The following SRGAP2 variants were observed in gnomAD, a reference collection of about 807,000 sequenced individuals.
SRGAP2 encodes SLIT-ROBO Rho GTPase activating protein 2.
SRGAP2 carries 15 observed loss-of-function variants against 57.2 expected under a neutral mutation model. The ratio of observed to expected loss-of-function variants is 0.26; its 90% confidence interval spans 0.18 to 0.40. The LOEUF (loss-of-function observed/expected upper bound fraction) is 0.40, where lower values mean the gene tolerates loss of function less well. Among genes scored for constraint, SRGAP2 ranks in the 10% least tolerant of loss-of-function variants. The pLI is 1.00. For synonymous variants in SRGAP2, 249 were observed against 248.0 expected (o/e 1.00, Z -0.04); for missense variants, 520 against 669.6 (o/e 0.78, Z 2.47).
rs1553617261 is a variant in SRGAP2, at chr1:206,306,636, G to C, written c.260+3163G>C. On this transcript the variant is annotated intron_variant, in intron 3 of 22. Coordinates refer to ENST00000573034, the MANE Select transcript of SRGAP2 (RefSeq NM_015326.5). ...CCACATCCTGCTGATTGGTAGAGCC[G>C]AGTGGCCTGTTTTGTCAGGGTACTG... is the stretch of plus-strand genomic sequence containing the variant. Among the ~76,000 whole-genome samples, 685 of 152,134 alleles carry C rather than the reference G, an allele frequency of 4.5e-3. 2 individuals carry two copies. The highest frequency in any genetic ancestry group is 0.016 in the African/African-American group (664 of 41,496).
chr1:206,260,887 G>T (rs1205598586), intron 2 of SRGAP2, among the ~76,000 whole-genome samples: 7 of 152,222 alleles, frequency 4.6e-5, no homozygotes, highest in Non-Finnish European at 8.8e-5. Flanking sequence ...AGTTGGTTTT[G>T]TTGGTTGATA....
At position 206,355,269 on chromosome 1, in the gene SRGAP2, TTTAC is replaced by T. The variant is rs1359781660; in HGVS notation, c.423+12264_423+12267del. Reference sequence around the variant, plus strand: ...CCCATCTTCTAGATTTGTTTGGTTGTTTACTTGTGTTGTTAAGCTTCTGCCCGTA... The same window carrying T: ...CCCATCTTCTAGATTTGTTTGGTTGTTTGTGTTGTTAAGCTTCTGCCCGTA... On this transcript the variant is annotated intron_variant, in intron 4 of 22. Transcript: ENST00000573034. Among the ~76,000 whole-genome samples, 8 of 152,226 alleles carry T rather than the reference TTTAC, an allele frequency of 5.3e-5. No individual in the cohort carries two copies. The South Asian group carries it at 1.2e-3, about 24-fold the overall frequency.
At chr1:206,420,773 A>G (rs1221379789) in intron 12 of SRGAP2, among the ~76,000 whole-genome samples, 1 of 152,216 alleles carries the variant, frequency 6.6e-6, no homozygotes, top group African/African-American at 2.4e-5. Flanking sequence ...TTTCCAAACT[A>G]GATGTTCTAC....
intron 2 of SRGAP2, among the ~76,000 whole-genome samples, chr1:206,253,514 C>G (rs1395521558): frequency 3.3e-5 from 5 of 151,202 alleles, no homozygotes; most frequent in African/African-American, 1.2e-4. Context: ...TTCTTCTTTT[C>G]TTTCCTCCCT....
At chr1:206,268,751 G>A (rs1241492532) in intron 2 of SRGAP2, among the ~76,000 whole-genome samples, 1 of 130,848 alleles carries the variant, frequency 7.6e-6, no homozygotes, top group Non-Finnish European at 1.6e-5. Context: ...CAAAAATGCG[G>A]ACTCCCCTAA....
Position 206,419,898 on chromosome 1 carries a change from C to T in SRGAP2, c.1469+498C>T, listed in dbSNP as rs1016030837. On this transcript the variant is annotated intron_variant, in intron 12 of 22. Coordinates refer to ENST00000573034, the MANE Select transcript of SRGAP2 (RefSeq NM_015326.5). The stretch of plus-strand genomic sequence containing the variant: ...AATGAAATATTACATTGCATTGGCT[C>T]GCCAAAGAGTATTGGTAGAAATATT... Among the ~76,000 whole-genome samples the T allele has an allele frequency of 2.6e-5, 4 of 151,658 alleles. No individual in the cohort carries two copies. The South Asian group carries it at 8.3e-4, about 31-fold the overall frequency.
rs1361538156 is a variant in SRGAP2, at chr1:206,281,813, C to A, written c.68-21468C>A. ...GCAAGACTCTGTCTCAAAAAACAAA[C>A]AAACAAACAAAAAAAACTTGAACCC... is the stretch of plus-strand genomic sequence containing the variant. On this transcript the variant is annotated intron_variant, in intron 2 of 22. Coordinates refer to ENST00000573034, the MANE Select transcript of SRGAP2 (RefSeq NM_015326.5). 3.2e-5 allele frequency among the ~76,000 whole-genome samples: 4 copies of A among 126,660 alleles called. No homozygotes were observed. In the East Asian group the frequency reaches 8.9e-4, roughly 28 times the overall value. The allele number at this position is 126,660 out of a possible 152,430, so 83.1% of individuals were successfully genotyped here. A position where few individuals can be genotyped will look rare whatever the true frequency, so the allele number is the denominator to read the frequency against.
intron 4 of SRGAP2, among the ~76,000 whole-genome samples, chr1:206,370,527 T>C (rs1654444583): frequency 6.6e-6 from 1 of 152,150 alleles, no homozygotes; most frequent in Non-Finnish European, 1.5e-5. Flanking sequence ...ATTCCATTTA[T>C]AGTAAATGTC....
intron 13 of SRGAP2, among the ~76,000 whole-genome samples, chr1:206,424,484 G>A (rs903413837): frequency 3.3e-5 from 5 of 152,046 alleles, no homozygotes; most frequent in East Asian, 3.9e-4. Context: ...GTAAAACCCC[G>A]TCTCTACCAA....
At chr1:206,452,049 G>C (rs1175781218) in intron 19 of SRGAP2, among the ~76,000 whole-genome samples, 1 of 152,212 alleles carries the variant, frequency 6.6e-6, no homozygotes, top group Admixed American at 6.5e-5. Flanking sequence ...TCTACCTGCA[G>C]CCTAGCACAG....
chr1:206,352,810 TTTTGTTTG>T (rs755510764), intron 4 of SRGAP2, among the ~76,000 whole-genome samples: 1 of 151,416 alleles, frequency 6.6e-6, no homozygotes, highest in Admixed American at 6.6e-5. Context: ...TATATCATCT[TTTTGTTTG>T]TTTGTTTGTT....
intron 2 of SRGAP2, among the ~76,000 whole-genome samples, chr1:206,279,527 C>G (rs1411584160): frequency 1.7e-5 from 2 of 114,620 alleles, no homozygotes; most frequent in Non-Finnish European, 3.5e-5. Context: ...GCAATCCTCC[C>G]ACCTCAGCCT....
chr1:206,306,607 C>T (rs1247763217), intron 3 of SRGAP2, among the ~76,000 whole-genome samples: 2 of 152,166 alleles, frequency 1.3e-5, no homozygotes, highest in African/African-American at 4.8e-5. Flanking sequence ...TTATCTGGCC[C>T]CACCCACATC....
At chr1:206,361,398 T>C (rs78230024) in intron 4 of SRGAP2, among the ~76,000 whole-genome samples, 13,901 of 152,202 alleles carry the variant, frequency 0.091, 804 homozygotes, top group South Asian at 0.25. Context: ...AATTTGACTT[T>C]CCCAGACTCC....
intron 22 of SRGAP2, among the ~76,000 whole-genome samples, chr1:206,460,682 G>A (rs1253213897): frequency 3.9e-5 from 6 of 152,012 alleles, no homozygotes; most frequent in African/African-American, 9.7e-5. Context: ...AAATCCCCAT[G>A]TACTCATCAC....
rs1654745321 is a variant in SRGAP2 at position 206,372,956 on chromosome 1, TTTTCTTTCCTTTCTTTCTTTCTTTCTTTC to T, written c.424-11049_424-11021del. ...CTTTCTTTCTTTCTTTCTTTCTTTC[TTTTCTTTCCTTTCTTTCTTTCTTTCTTTC>T]TTTCTTTCTTTCTTTCTTTCTTTCT... On this transcript the variant is annotated intron_variant, in intron 4 of 22. Coordinates refer to ENST00000573034, the MANE Select transcript of SRGAP2 (RefSeq NM_015326.5). Among the ~76,000 whole-genome samples the T allele has an allele frequency of 6.5e-4, 6 of 9,226 alleles. 1 individual carries two copies. The highest frequency in any genetic ancestry group is 1.2e-3 in the Non-Finnish European group (6 of 5,020). 6.1% of individuals were successfully genotyped at this position (9,226 alleles called of 152,430 possible).
chr1:206,363,523 T>C (rs1248730830), intron 4 of SRGAP2, among the ~76,000 whole-genome samples: 1 of 152,080 alleles, frequency 6.6e-6, no homozygotes, highest in Non-Finnish European at 1.5e-5. Context: ...GAAATTTCAC[T>C]TGTTGCCTTG....
At chr1:206,256,073 ACT>A (rs782132693) in intron 2 of SRGAP2, among the ~76,000 whole-genome samples, 15 of 149,626 alleles carry the variant, frequency 1.0e-4, no homozygotes, top group South Asian at 2.2e-4. Context: ...TCTGGAGATG[ACT>A]CTGTATAAGC....
intron 5 of SRGAP2, among the ~76,000 whole-genome samples, chr1:206,385,881 G>A (rs1158524992): frequency 6.6e-6 from 1 of 152,014 alleles, no homozygotes; most frequent in Non-Finnish European, 1.5e-5. Context: ...GCCTGAGTGT[G>A]GTATCCCCTG....
Sources: gnomAD v4.1 joint callset for allele counts (sites outside exome capture counted in the v4.1 genomes callset) on GRCh38, gnomAD v4.1.1 for gene constraint, MANE v1.5 for transcripts, NCBI Gene and HGNC (gene_info 2026-07-23, HGNC 2026-07-21) for gene names.